Variants in TSHZ2 observed in about 807,000 individuals in gnomAD.
TSHZ2 encodes teashirt zinc finger homeobox 2, also known as teashirt homolog 2.
TSHZ2 carries 21 observed loss-of-function variants against 74.4 expected under a neutral mutation model. The ratio of observed to expected loss-of-function variants is 0.28; its 90% CI spans 0.20 to 0.41. TSHZ2 has a LOEUF of 0.41. Among genes scored for constraint, TSHZ2 ranks in the 10% least tolerant of loss-of-function variants. The pLI, the probability that TSHZ2 is intolerant of heterozygous loss-of-function variation, is 1.00. For synonymous variants in TSHZ2, 540 were observed against 515.3 expected (o/e 1.05, Z -0.65); for missense variants, 1,244 against 1,293.5 (o/e 0.96, Z 0.59).
At chr20:53,052,872 T>C (rs935065709) in intron 1 of TSHZ2, among the ~76,000 whole-genome samples, 1 of 152,218 alleles carries the variant, frequency 6.6e-6, no homozygotes, top group Non-Finnish European at 1.5e-5. Flanking sequence ...TTAAGACAGC[T>C]CTATTGTGAT....
chr20:53,284,607 CT>C (rs1991129225), intron 2 of TSHZ2, among the ~76,000 whole-genome samples: 1 of 152,180 alleles, frequency 6.6e-6, no homozygotes, highest in African/African-American at 2.4e-5. Flanking sequence ...TTGTTTCCCC[CT>C]GTGGCCCCGA....
intron 2 of TSHZ2, among the ~76,000 whole-genome samples, chr20:53,414,581 CTT>C (rs1215315551): frequency 2.0e-5 from 3 of 152,120 alleles, no homozygotes; most frequent in African/African-American, 7.2e-5. Flanking sequence ...TGGCATGACT[CTT>C]TTGCCAGCAG....
At chr20:52,989,164 C>CAAAAAA (rs3995491) in intron 1 of TSHZ2, among the ~76,000 whole-genome samples, 1 of 126,172 alleles carries the variant, frequency 7.9e-6, no homozygotes, top group Non-Finnish European at 1.7e-5. Flanking sequence ...CTCTGTCTGG[C>CAAAAAA]AAAAAAAAAA....
intron 1 of TSHZ2, among the ~76,000 whole-genome samples, chr20:53,177,464 A>G (rs1244501305): frequency 6.6e-6 from 1 of 152,106 alleles, no homozygotes; most frequent in Non-Finnish European, 1.5e-5. Flanking sequence ...ATTTCCAAGG[A>G]GCCTTCACTG....
intron 2 of TSHZ2, among the ~76,000 whole-genome samples, chr20:53,359,925 G>A (rs889869771): frequency 6.6e-6 from 1 of 152,218 alleles, no homozygotes; most frequent in Non-Finnish European, 1.5e-5. Flanking sequence ...AACAAACATC[G>A]TGGGGGAAAG....
At chr20:53,001,289 G>C (rs1034043135) in intron 1 of TSHZ2, among the ~76,000 whole-genome samples, 5 of 147,684 alleles carry the variant, frequency 3.4e-5, no homozygotes, top group African/African-American at 1.3e-4. Flanking sequence ...TTTAAATGCA[G>C]ATGGTTTTGT....
intron 1 of TSHZ2, among the ~76,000 whole-genome samples, chr20:53,129,934 A>T (rs892440322): frequency 6.6e-6 from 1 of 150,970 alleles, no homozygotes; most frequent in Non-Finnish European, 1.5e-5. Context: ...TTTCAGAAAA[A>T]CTCAGTCCTG....
intron 2 of TSHZ2, among the ~76,000 whole-genome samples, chr20:53,271,507 C>G (rs1285984878): frequency 2.0e-5 from 3 of 152,176 alleles, no homozygotes; most frequent in Non-Finnish European, 4.4e-5. Flanking sequence ...CAGCCCTGCC[C>G]TCAGAATGTT....
At chr20:53,455,125 G>C (rs998167879) in intron 2 of TSHZ2, 2 of 152,022 alleles carry the variant, frequency 1.3e-5, no homozygotes, top group African/African-American at 4.8e-5. Flanking sequence ...GGCAATACTT[G>C]TTGTCTCAGT....
intron 2 of TSHZ2, among the ~76,000 whole-genome samples, chr20:53,431,172 C>T (rs1309419748): frequency 1.3e-5 from 2 of 152,086 alleles, no homozygotes; most frequent in African/African-American, 4.8e-5. Flanking sequence ...GCAGGAAAGG[C>T]ACTTAGGGCT....
chr20:53,178,067 C>G (rs1165391012), intron 1 of TSHZ2: 1 of 152,240 alleles, frequency 6.6e-6, no homozygotes, highest in Non-Finnish European at 1.5e-5. Flanking sequence ...CACTGCTGCT[C>G]TCTTAAAGCT....
chr20:53,226,107 C>T (rs374380696), intron 1 of TSHZ2, among the ~76,000 whole-genome samples: 1 of 148,680 alleles, frequency 6.7e-6, no homozygotes, highest in Admixed American at 6.8e-5. Flanking sequence ...AGATGGCTCA[C>T]AGACTAAATT....
rs929541535 is a variant in TSHZ2, at chr20:53,251,177, T to A, written c.41-2322T>A. 7.2e-5 allele frequency among the ~76,000 whole-genome samples: 11 copies of A among 152,194 alleles called. No homozygotes were observed. The South Asian group carries it at 8.3e-4, about 11-fold the overall frequency. ...CTGTGATTACGTTACCCACAGGTGT[T>A]GTCACATGTCTTAGTTGGCCTGGAA... On this transcript the variant is annotated intron_variant, in intron 1 of 2. Transcript: ENST00000371497.
At position 53,255,747 on chromosome 20, in the gene TSHZ2, G is replaced by A; in HGVS notation, c.2289G>A (p.Gln763=). ...GCTACCTGTTTGAGAACAGCGATCA[G>A]CCCATTGACCTGACCAAGTCCAAAA... is the stretch of plus-strand genomic sequence containing the variant. ...SRRYLFENSD[Q]PIDLTKSKSK... The change falls in exon 2 of 3, where the codon CAG becomes CAA. Residue 763 remains glutamine (Q), a synonymous_variant. Transcript: ENST00000371497. The surrounding 1 kb of genome is among the most constrained non-coding windows in gnomAD (Gnocchi z 4.1). The A allele has an allele frequency of 6.2e-7, 1 of 1,613,824 alleles. No homozygotes were observed. Among genetic ancestry groups the A allele is most frequent in the Non-Finnish European group, 8.5e-7 (1 of 1,179,902 alleles).
chr20:53,043,327 G>T (rs1406919391), intron 1 of TSHZ2, among the ~76,000 whole-genome samples: 1 of 152,086 alleles, frequency 6.6e-6, no homozygotes, highest in Non-Finnish European at 1.5e-5. Flanking sequence ...ATTACCAAAT[G>T]TCCCCGTTTT....
chr20:53,227,847 G>A (rs543695861), intron 1 of TSHZ2, among the ~76,000 whole-genome samples: 1 of 152,140 alleles, frequency 6.6e-6, no homozygotes, highest in South Asian at 2.1e-4. Flanking sequence ...GGCTGTTACA[G>A]TATTTTTTCC....
At chr20:53,192,252 G>C (rs2123546299) in intron 1 of TSHZ2, among the ~76,000 whole-genome samples, 1 of 150,130 alleles carries the variant, frequency 6.7e-6, no homozygotes, top group South Asian at 2.1e-4. Flanking sequence ...CAACATAATG[G>C]ACAATTTTGA....
chr20:53,197,886 G>A (rs190289100), intron 1 of TSHZ2, among the ~76,000 whole-genome samples: 16 of 152,280 alleles, frequency 1.1e-4, no homozygotes, highest in Non-Finnish European at 2.2e-4. Flanking sequence ...AGCAAACCCA[G>A]GTAGCAGTAA....
rs546787972 is a variant in TSHZ2 at position 53,371,480 on chromosome 20, G to A, written c.*8+114909G>A. ...CAGAACAGTGTTAGGCGGTGTATTT[G>A]TTTCCTGGGATGGCTGTATGAAGGA... On this transcript the variant is annotated intron_variant, in intron 2 of 2. Coordinates refer to ENST00000371497, the MANE Select transcript of TSHZ2 (RefSeq NM_173485.6). 6.6e-4 allele frequency among the ~76,000 whole-genome samples: 100 copies of A among 152,210 alleles called. 1 individual carries two copies. Among genetic ancestry groups the A allele is most frequent in the Non-Finnish European group, 5.3e-4 (36 of 68,036 alleles).
Sources: gnomAD v4.1 joint callset for allele counts (sites outside exome capture counted in the v4.1 genomes callset) on GRCh38, gnomAD v4.1.1 for gene constraint, Gnocchi (gnomAD v3.1) non-coding constraint, MANE v1.5 for transcripts, NCBI Gene and HGNC (gene_info 2026-07-23, HGNC 2026-07-21) for gene names.